The following DKK3 variants were observed in gnomAD, a reference collection of about 807,000 sequenced individuals.
DKK3 encodes the protein dickkopf-related protein 3.
DKK3 carries 22 observed loss-of-function variants against 33.2 expected under a neutral mutation model. The observed-to-expected ratio is 0.66, with a 90% CI of 0.47 to 0.95. The LOEUF is 0.95. Among genes scored for constraint, DKK3 ranks in the 40% least tolerant of loss-of-function variants. The pLI is 0.00. For missense variants in DKK3, 398 were observed against 458.4 expected, an observed-to-expected ratio of 0.87 and a Z score of 1.20; for synonymous variants, 194 against 188.8, an observed-to-expected ratio of 1.03 and a Z score of -0.23.
At chr11:11,976,465 A>G (rs1239439898) in intron 3 of DKK3, among the ~76,000 whole-genome samples, 1 of 152,250 alleles carries the variant, frequency 6.6e-6, no homozygotes, top group Admixed American at 6.5e-5. Flanking sequence ...CATTTGACAG[A>G]TGAGGAAACT....
At chr11:11,994,184 G>A (rs1358133747) in intron 3 of DKK3, among the ~76,000 whole-genome samples, 2 of 152,012 alleles carry the variant, frequency 1.3e-5, no homozygotes, top group Non-Finnish European at 2.9e-5. Context: ...TCTTTTTTCT[G>A]TAAAGTTGCT....
upstream of DKK3, chr11:12,009,548 C>T: frequency 3.1e-6 from 3 of 978,550 alleles, no homozygotes; most frequent in African/African-American, 3.5e-5. Context: ...TGCCCCTGCG[C>T]CCGCGGCATC....
At chr11:11,983,046 G>T (rs1009883793) in intron 3 of DKK3, among the ~76,000 whole-genome samples, 1 of 152,202 alleles carries the variant, frequency 6.6e-6, no homozygotes, top group East Asian at 1.9e-4. Flanking sequence ...ATTACAAAAA[G>T]CCAAGCAGGC....
At chr11:11,975,573 C>T (rs903235595) in intron 3 of DKK3, among the ~76,000 whole-genome samples, 1 of 152,152 alleles carries the variant, frequency 6.6e-6, no homozygotes, top group African/African-American at 2.4e-5. Flanking sequence ...CCAGAACCCA[C>T]GGGTGGGGAG....
intron 3 of DKK3, among the ~76,000 whole-genome samples, chr11:11,971,860 A>G (rs1387093737): frequency 1.3e-5 from 2 of 152,226 alleles, no homozygotes; most frequent in African/African-American, 4.8e-5. Context: ...GAACTTTGCC[A>G]AAAACCTTTG....
intron 2 of DKK3, 22 bp from the exon 3 acceptor site, chr11:11,998,801 G>T: frequency 1.9e-6 from 3 of 1,591,898 alleles, no homozygotes; most frequent in Non-Finnish European, 1.7e-6. Context: ...CAGGTACAAT[G>T]AAAGTAAAAT....
At chr11:12,003,379 C>A (rs1231822697) in intron 1 of DKK3, among the ~76,000 whole-genome samples, 3 of 152,174 alleles carry the variant, frequency 2.0e-5, no homozygotes, top group African/African-American at 4.8e-5. Flanking sequence ...GGGGTCCACA[C>A]CCCTTCTGGT....
intron 3 of DKK3, among the ~76,000 whole-genome samples, chr11:11,987,367 G>A (rs1168166633): frequency 1.3e-5 from 2 of 152,160 alleles, no homozygotes; most frequent in Admixed American, 6.5e-5. Context: ...GAACTGAACT[G>A]GAAATAAGTT....
intron 3 of DKK3, among the ~76,000 whole-genome samples, chr11:11,997,559 T>C (rs1432179852): frequency 6.6e-6 from 1 of 152,192 alleles, no homozygotes; most frequent in Non-Finnish European, 1.5e-5. Context: ...GTTACCTCAC[T>C]TGAAGATGGG....
chr11:12,009,315 T>C (rs1028705915), upstream of DKK3: 109 of 981,156 alleles, frequency 1.1e-4, 1 homozygote, highest in East Asian at 0.011. Context: ...GCAGCGCCGG[T>C]ACCCGAGGGA....
At chr11:12,003,749 A>T (rs114559674) in intron 1 of DKK3, among the ~76,000 whole-genome samples, 13,073 of 150,724 alleles carry the variant, frequency 0.087, 693 homozygotes, top group Middle Eastern at 0.15. Flanking sequence ...TTTTTTTTTA[A>T]AAAAAGAATG....
intron 3 of DKK3, among the ~76,000 whole-genome samples, chr11:11,975,644 T>G (rs541045455): frequency 6.6e-6 from 1 of 152,258 alleles, no homozygotes; most frequent in African/African-American, 2.4e-5. Flanking sequence ...GTCAGCAGTG[T>G]GGGTGAAGTG....
chr11:11,998,822 C>A (rs747276817), intron 2 of DKK3, 43 bp from the exon 3 acceptor site: 2 of 1,532,960 alleles, frequency 1.3e-6, no homozygotes, highest in Non-Finnish European at 1.8e-6. Flanking sequence ...AGAAGGAATT[C>A]TGGACAAATT....
rs372012676 is a variant in DKK3, at chr11:12,008,520, G to A, written c.63C>T (p.Pro21=). The A allele has an allele frequency of 5.7e-6, 9 of 1,572,556 alleles. No individual in the cohort carries two copies. Among genetic ancestry groups the A allele is most frequent in the African/African-American group, 1.4e-5 (1 of 74,002 alleles). The change falls in exon 1 of 7, where the codon CCC becomes CCT. Residue 21 remains proline (P), a synonymous_variant. Transcript: ENST00000683431. This position sits in a 1 kb window ranked among gnomAD's most constrained non-coding sequence, Gnocchi z 4.6. ...CCGAGGTCGCCGTCGGAGCGGGCGC[G>A]GGGGCCGTGGGGACCGCCGCCGCCA... The part of the protein sequence containing the change: ...LLLAAAVPTA[P]APAPTATSAP...
At chr11:11,964,870 A>ACTT (rs1251993129) in intron 6 of DKK3, 184 bp from the exon 7 acceptor site, 2 of 1,327,232 alleles carry the variant, frequency 1.5e-6, no homozygotes, top group Non-Finnish European at 2.0e-6. Flanking sequence ...AGGGAGGCTC[A>ACTT]CTTTGGGAGA....
intron 3 of DKK3, among the ~76,000 whole-genome samples, chr11:11,982,638 G>A (rs1847979915): frequency 2.0e-5 from 3 of 152,248 alleles, no homozygotes; most frequent in South Asian, 2.1e-4. Context: ...AGCAGCGCCC[G>A]GCCGTGGCCA....
chr11:11,992,354 C>T (rs1230761462), intron 3 of DKK3, among the ~76,000 whole-genome samples: 1 of 152,194 alleles, frequency 6.6e-6, no homozygotes, highest in Non-Finnish European at 1.5e-5. Context: ...AATAGAATTG[C>T]CATTTGAACT....
At chr11:11,967,654 G>A (rs751270612) in intron 4 of DKK3, among the ~76,000 whole-genome samples, 1 of 152,218 alleles carries the variant, frequency 6.6e-6, no homozygotes, top group Non-Finnish European at 1.5e-5. Context: ...AAGGTAATAA[G>A]AACTGCTTGA....
chr11:11,988,360 G>A (rs1314569216), intron 3 of DKK3, among the ~76,000 whole-genome samples: 2 of 152,082 alleles, frequency 1.3e-5, no homozygotes, highest in Admixed American at 6.6e-5. Flanking sequence ...TTAGATTCGG[G>A]GGCATGACTG....
Sources: allele counts gnomAD v4.1 joint callset (sites outside exome capture counted in the v4.1 genomes callset), GRCh38; gene constraint gnomAD v4.1.1; non-coding constraint Gnocchi (gnomAD v3.1); transcripts MANE v1.5; gene names NCBI Gene and HGNC (gene_info 2026-07-23, HGNC 2026-07-21).